Variants in BDP1 observed in about 807,000 individuals in gnomAD.
The protein encoded by BDP1 is BDP1 general transcription factor IIIB subunit, also known as transcription factor TFIIIB component B'' homolog.
Under a neutral mutation model 266.6 loss-of-function variants are expected in BDP1, and 169 were observed. The observed-to-expected ratio is 0.63, with a 90% CI of 0.56 to 0.72. The LOEUF (loss-of-function observed/expected upper bound fraction) is 0.72, where lower values mean the gene tolerates loss of function less well. Ranked by LOEUF, BDP1 falls within the 30% of genes least tolerant of loss-of-function variation. BDP1 has a pLI of 0.00. For synonymous variants in BDP1, 1,090 were observed against 1,022.4 expected (o/e 1.07, Z -1.26); for missense variants, 3,015 against 3,053.8 (o/e 0.99, Z 0.30).
intron 22 of BDP1, among the ~76,000 whole-genome samples, chr5:71,520,546 C>T (rs1469558152): frequency 1.3e-5 from 2 of 152,256 alleles, no homozygotes; most frequent in South Asian, 2.1e-4. Flanking sequence ...TTCACTTCTC[C>T]TAATTACTAA....
chr5:71,550,056 A>C lies in BDP1; in HGVS notation c.6995+450A>C, dbSNP rs149993921. Reference sequence around the variant, plus strand: ...TGCCAGGCTGAAGTGTAGTGGTGCCATCATAGTTCACTGCATCCTCGAACT... The same window carrying C: ...TGCCAGGCTGAAGTGTAGTGGTGCCCTCATAGTTCACTGCATCCTCGAACT... On this transcript the variant is annotated intron_variant, in intron 34 of 38. Transcript: ENST00000358731. 4.2e-3 allele frequency among the ~76,000 whole-genome samples: 643 copies of C among 152,290 alleles called. 3 individuals carry two copies. The highest frequency in any genetic ancestry group is 0.013 in the African/African-American group (557 of 41,550).
intron 6 of BDP1, among the ~76,000 whole-genome samples, chr5:71,468,202 A>G (rs1466646397): frequency 6.6e-6 from 1 of 151,964 alleles, no homozygotes; most frequent in East Asian, 1.9e-4. Flanking sequence ...TATTTTTAGT[A>G]GAGATGGGGT....
At chr5:71,466,950 G>A (rs563492153) in intron 5 of BDP1, among the ~76,000 whole-genome samples, 6 of 152,112 alleles carry the variant, frequency 3.9e-5, no homozygotes, top group Admixed American at 1.3e-4. Context: ...TAAATAGTTA[G>A]AGCATATTTA....
chr5:71,558,844 AC>A, intron 36 of BDP1, among the ~76,000 whole-genome samples: 1 of 141,898 alleles, frequency 7.0e-6, no homozygotes, highest in African/African-American at 2.6e-5. Flanking sequence ...AAAAAAAAAA[AC>A]AACAAAAAAA....
chr5:71,525,273 C>A (rs1399275088), intron 25 of BDP1, among the ~76,000 whole-genome samples: 6 of 147,962 alleles, frequency 4.1e-5, no homozygotes, highest in African/African-American at 1.3e-4. Flanking sequence ...GCTGACCCCC[C>A]CCACCTCCCT....
Position 71,553,199 on chromosome 5 carries a change from A to C in BDP1, c.7079A>C (p.Asp2360Ala). 2 of 1,613,380 alleles carry C rather than the reference A, an allele frequency of 1.2e-6. No homozygotes were observed. The highest frequency in any genetic ancestry group is 1.1e-5 in the South Asian group (1 of 91,044). Residue 2360 changes from aspartate to alanine, a missense_variant, in exon 35 of 39, where the codon GAT (aspartate) becomes GCT (alanine). Transcript: ENST00000358731. ...AGAGATAATTCTAAAAAGCCGCCTGATAATTTGGATCTTGTATCTAGGAAG... is the reference window on the plus strand; with the variant it reads ...AGAGATAATTCTAAAAAGCCGCCTGCTAATTTGGATCTTGTATCTAGGAAG... ...SGRDNSKKPP[D>A]NLDLVSRKRF...
In BDP1 at chr5:71,553,130, C is replaced by T. The variant is rs1185484773; in HGVS notation, c.7010C>T (p.Ala2337Val). The stretch of plus-strand genomic sequence containing the variant: ...TTTCTATGCAGTATTTGTTTACCAG[C>T]AACTTCAGTTGGTCAAGATGCCATG... The part of the protein sequence containing the change: ...ERGDMSICLP[A>V]TSVGQDAMGL... The change falls in exon 35 of 39, where the codon GCA becomes GTA. Residue 2337 changes from alanine to valine, a missense_variant. This residue lies in a region of BDP1 where 629 missense variants were observed against 632.5 expected (regional missense o/e 0.99). Coordinates refer to ENST00000358731, the MANE Select transcript of BDP1 (RefSeq NM_018429.3). 6.2e-7 allele frequency: 1 copy of T among 1,611,430 alleles called. No homozygotes were observed. The highest frequency in any genetic ancestry group is 2.2e-5 in the East Asian group (1 of 44,816).
intron 35 of BDP1, among the ~76,000 whole-genome samples, chr5:71,554,052 T>G (rs1009485770): frequency 6.6e-6 from 1 of 152,210 alleles, no homozygotes; most frequent in African/African-American, 2.4e-5. Flanking sequence ...TCATCATAAT[T>G]TGTAACTACA....
intron 36 of BDP1, 31 bp from the exon 37 acceptor site, chr5:71,559,951 C>T (rs766577107): frequency 6.2e-7 from 1 of 1,607,642 alleles, no homozygotes; most frequent in Non-Finnish European, 8.5e-7. Context: ...ACTTCAGTAT[C>T]CTTGCTTTCC....
intron 22 of BDP1, among the ~76,000 whole-genome samples, chr5:71,519,595 A>T (rs577284957): frequency 6.6e-6 from 1 of 152,244 alleles, no homozygotes; most frequent in South Asian, 2.1e-4. Context: ...TTCACCTAAC[A>T]TAATGACCTC....
At position 71,567,133 on chromosome 5, in the gene BDP1, A is replaced by C. The variant is rs1189023980; in HGVS notation, c.*2248A>C. 2 of 152,194 alleles carry C rather than the reference A, an allele frequency of 1.3e-5. No homozygotes were observed. Among genetic ancestry groups the C allele is most frequent in the Non-Finnish European group, 2.9e-5 (2 of 68,030 alleles). The allele number at this position is 152,194 out of a possible 1,614,324, so 9.4% of individuals were successfully genotyped here. On this transcript the variant is annotated 3_prime_UTR_variant, in exon 39 of 39. Transcript: ENST00000358731. ...GGTAGTAAATCACATTGCTATTTGA[A>C]TACCCTGTTTTTGTAAGTTTTTAAA...
chr5:71,522,080 A>G (rs568493174), intron 22 of BDP1, among the ~76,000 whole-genome samples: 137 of 152,320 alleles, frequency 9.0e-4, no homozygotes, highest in Non-Finnish European at 7.6e-4. Flanking sequence ...TTCAGGCTCT[A>G]TAGAAAATGG....
At chr5:71,543,965 C>T (rs1767123584) in intron 30 of BDP1, among the ~76,000 whole-genome samples, 2 of 151,982 alleles carry the variant, frequency 1.3e-5, no homozygotes, top group South Asian at 4.1e-4. Flanking sequence ...TCTTTTTTTC[C>T]CCGTTTGTGA....
rs796559900 is a variant in BDP1, at chr5:71,473,186, C to CT, written c.1014+2704dup. Among the ~76,000 whole-genome samples, 67 of 148,424 alleles carry CT rather than the reference C, an allele frequency of 4.5e-4. 1 individual carries two copies. The highest frequency in any genetic ancestry group is 1.7e-3 in the African/African-American group (67 of 40,120). Reference sequence around the variant, plus strand: ...AGGTGTGAGCCACTTGTCCTAGCCTCTTTTTTTCTTAATTCATCTTGCTAA... The same window carrying CT: ...AGGTGTGAGCCACTTGTCCTAGCCTCTTTTTTTTCTTAATTCATCTTGCTAA... On this transcript the variant is annotated intron_variant, in intron 7 of 38. Transcript: ENST00000358731.
chr5:71,560,553 A>G (rs1743571744), intron 37 of BDP1, among the ~76,000 whole-genome samples: 1 of 152,212 alleles, frequency 6.6e-6, no homozygotes, highest in African/African-American at 2.4e-5. Context: ...TAATGCACAT[A>G]TGTATGGATG....
chr5:71,547,404 G>A (rs900903813), intron 32 of BDP1, among the ~76,000 whole-genome samples: 5 of 151,994 alleles, frequency 3.3e-5, no homozygotes, highest in Admixed American at 6.6e-5. Flanking sequence ...AGGTAATAAT[G>A]TGTTCTTCCT....
At chr5:71,573,754 C>G in the BDP1 span, among the ~76,000 whole-genome samples, 1 of 152,178 alleles carries the variant, frequency 6.6e-6, no homozygotes, top group African/African-American at 2.4e-5. Context: ...CTTATTCAGA[C>G]CTGGAATGTC....
intron 11 of BDP1, among the ~76,000 whole-genome samples, chr5:71,492,920 G>C (rs13182226): frequency 0.3 from 45,795 of 152,026 alleles, 7,962 homozygotes; most frequent in East Asian, 0.5. Context: ...TTTATCACTG[G>C]AAACAGAAAA....
intron 7 of BDP1, among the ~76,000 whole-genome samples, chr5:71,472,761 A>G (rs1452270030): frequency 6.6e-6 from 1 of 151,888 alleles, no homozygotes; most frequent in Non-Finnish European, 1.5e-5. Context: ...GAAGATCAGT[A>G]TTATTCTGTC....
Sources: gnomAD v4.1 joint callset for allele counts (sites outside exome capture counted in the v4.1 genomes callset) on GRCh38, gnomAD v4.1.1 for gene constraint, gnomAD v4.1.1 regional missense constraint, MANE v1.5 for transcripts, NCBI Gene and HGNC (gene_info 2026-07-23, HGNC 2026-07-21) for gene names.